The following PARD3B variants were observed in gnomAD, a reference collection of about 807,000 sequenced individuals.
PARD3B encodes the protein par-3 family cell polarity regulator beta, also known as partitioning defective 3 homolog B.
Under a neutral mutation model 130.2 loss-of-function variants are expected in PARD3B, and 103 were observed. The observed-to-expected ratio is 0.79, with a 90% CI of 0.67 to 0.93. PARD3B has a LOEUF of 0.93. PARD3B is among the 40% of genes least tolerant of loss of function. The pLI, the probability that PARD3B is intolerant of heterozygous loss-of-function variation, is 0.00. For missense variants in PARD3B, 1,609 were observed against 1,499.2 expected, an observed-to-expected ratio of 1.07 and a Z score of -1.21; for synonymous variants, 583 against 553.2, an observed-to-expected ratio of 1.05 and a Z score of -0.76.
chr2:205,000,284 T>C (rs1326491710), intron 3 of PARD3B, among the ~76,000 whole-genome samples: 1 of 152,224 alleles, frequency 6.6e-6, no homozygotes, highest in Non-Finnish European at 1.5e-5. Context: ...ATGTTTTCAG[T>C]GTGGCCACGG....
intron 2 of PARD3B, among the ~76,000 whole-genome samples, chr2:204,734,854 A>G (rs1260447833): frequency 1.3e-5 from 2 of 152,040 alleles, no homozygotes; most frequent in South Asian, 2.1e-4. Flanking sequence ...TCAAAACTCA[A>G]ACTTTACCAC....
At chr2:205,457,933 C>T (rs1324007893) in intron 20 of PARD3B, among the ~76,000 whole-genome samples, 1 of 152,120 alleles carries the variant, frequency 6.6e-6, no homozygotes, top group Non-Finnish European at 1.5e-5. Context: ...ATTTGGAATG[C>T]TCAAACAATA....
intron 2 of PARD3B, among the ~76,000 whole-genome samples, chr2:204,717,966 A>C (rs1380860211): frequency 6.6e-6 from 1 of 152,164 alleles, no homozygotes; most frequent in African/African-American, 2.4e-5. Flanking sequence ...CCAAATTTAC[A>C]TATATTACAT....
intron 1 of PARD3B, among the ~76,000 whole-genome samples, chr2:204,674,091 T>C (rs1376046360): frequency 1.3e-5 from 2 of 152,188 alleles, no homozygotes; most frequent in Non-Finnish European, 2.9e-5. Flanking sequence ...AAATGCATAA[T>C]GAATGTCAGA....
intron 21 of PARD3B, among the ~76,000 whole-genome samples, chr2:205,526,063 T>G (rs115518961): frequency 6.6e-4 from 101 of 152,344 alleles, no homozygotes; most frequent in African/African-American, 2.4e-3. Flanking sequence ...GATTATAGTT[T>G]CTACTGGAAT....
chr2:205,446,835 C>T lies in PARD3B; in HGVS notation c.3044+6163C>T, dbSNP rs1449447709. Among the ~76,000 whole-genome samples the T allele has an allele frequency of 6.6e-6, 1 of 152,152 alleles. No individual in the cohort carries two copies. The highest frequency in any genetic ancestry group is 1.5e-5 in the Non-Finnish European group (1 of 68,014). On this transcript the variant is annotated intron_variant, in intron 20 of 22. Transcript: ENST00000406610. The surrounding 1 kb of genome is among the most constrained non-coding windows in gnomAD (Gnocchi z 4.4). ...AATGTGTTAGTTTTCCACCGCAATGCCAGCATTGAAAGGGCTCCCAGAGTG... is the reference window on the plus strand; with the variant it reads ...AATGTGTTAGTTTTCCACCGCAATGTCAGCATTGAAAGGGCTCCCAGAGTG...
At chr2:205,308,621 C>CAAAAAAAAAA (rs1252730210) in intron 18 of PARD3B, among the ~76,000 whole-genome samples, 1 of 93,072 alleles carries the variant, frequency 1.1e-5, no homozygotes, top group Admixed American at 1.3e-4. Context: ...AAAAAAAAAC[C>CAAAAAAAAAA]AAACAACAAA....
rs987873310 is a variant in PARD3B, at chr2:205,477,845, G to A, written c.3045-22051G>A. ...TCATGTGCTTGGATAAAGCTTTTTG[G>A]TTTCTTTAGTGAAGTTTCTGAATTT... is the stretch of plus-strand genomic sequence containing the variant. On this transcript the variant is annotated intron_variant, in intron 20 of 22. Coordinates refer to ENST00000406610, the MANE Select transcript of PARD3B (RefSeq NM_001302769.2). Among the ~76,000 whole-genome samples, 5 of 152,158 alleles carry A rather than the reference G, an allele frequency of 3.3e-5. No individual in the cohort carries two copies. In the East Asian group the frequency reaches 9.6e-4, roughly 29 times the overall value.
intron 2 of PARD3B, among the ~76,000 whole-genome samples, chr2:204,951,213 G>A (rs887528472): frequency 1.3e-5 from 2 of 152,146 alleles, no homozygotes; most frequent in African/African-American, 2.4e-5. Context: ...AACATTTTTA[G>A]AACAAGGTCT....
At chr2:205,199,393 T>C (rs1307470231) in intron 15 of PARD3B, among the ~76,000 whole-genome samples, 1 of 152,090 alleles carries the variant, frequency 6.6e-6, no homozygotes, top group Non-Finnish European at 1.5e-5. Flanking sequence ...ACCTCGGCTA[T>C]GTAGAAAAGA....
Position 205,470,511 on chromosome 2 carries a change from C to T in PARD3B, c.3045-29385C>T, listed in dbSNP as rs572819565. Among the ~76,000 whole-genome samples, 1 of 152,252 alleles carries T rather than the reference C, an allele frequency of 6.6e-6. No homozygotes were observed. The highest frequency in any genetic ancestry group is 6.5e-5 in the Admixed American group (1 of 15,284). ...AGGAGTTAGAGCATTTCTCCTGAAT[C>T]TCCCTAAACTCGCATCAGATCTCTT... On this transcript the variant is annotated intron_variant, in intron 20 of 22. Transcript: ENST00000406610. This position sits in a 1 kb window ranked among gnomAD's most constrained non-coding sequence, Gnocchi z 4.8.
chr2:205,156,543 T>TTA (rs1553626967), intron 10 of PARD3B, among the ~76,000 whole-genome samples: 1 of 147,650 alleles, frequency 6.8e-6, no homozygotes, highest in South Asian at 2.1e-4. Flanking sequence ...GAGGAAAAGA[T>TTA]AAAAAAAAAA....
At chr2:204,609,518 T>C (rs75868138) in intron 1 of PARD3B, among the ~76,000 whole-genome samples, 4,582 of 152,264 alleles carry the variant, frequency 0.03, 91 homozygotes, top group Non-Finnish European at 0.044. Context: ...TGGTTTAGCC[T>C]AAAGAACTGG....
chr2:205,250,353 C>T (rs1016531889), intron 16 of PARD3B, among the ~76,000 whole-genome samples: 5 of 151,984 alleles, frequency 3.3e-5, no homozygotes, highest in Admixed American at 3.3e-4. Flanking sequence ...ATGAGTTCTT[C>T]TTTATGAGCT....
chr2:204,861,924 CAAAAAAAAAAAA>C (rs60473341), intron 2 of PARD3B, among the ~76,000 whole-genome samples: 19 of 34,078 alleles, frequency 5.6e-4, no homozygotes, highest in African/African-American at 1.1e-3. Flanking sequence ...AGACATTTCT[CAAAAAAAAAAAA>C]AAAAAAAAAA....
rs1390209826 is a variant in PARD3B, at chr2:205,229,153, G to T, written c.2141-16625G>T. ...TGGTGAAGTCATGTTTTCCTGGATG[G>T]TCTTGAGGCTTGTGATTGTTTATCA... On this transcript the variant is annotated intron_variant, in intron 15 of 22. Coordinates refer to ENST00000406610, the MANE Select transcript of PARD3B (RefSeq NM_001302769.2). The surrounding 1 kb of genome is among the most constrained non-coding windows in gnomAD (Gnocchi z 5.2). 6.6e-6 allele frequency among the ~76,000 whole-genome samples: 1 copy of T among 152,200 alleles called. No individual in the cohort carries two copies. The highest frequency in any genetic ancestry group is 1.5e-5 in the Non-Finnish European group (1 of 68,036).
intron 3 of PARD3B, among the ~76,000 whole-genome samples, chr2:204,998,052 G>A (rs1694384091): frequency 6.7e-6 from 1 of 149,352 alleles, no homozygotes; most frequent in African/African-American, 2.4e-5. Context: ...TGAATAAGAT[G>A]ACTTGTTGCC....
intron 22 of PARD3B, among the ~76,000 whole-genome samples, chr2:205,597,037 CTTTTT>C: frequency 6.8e-6 from 1 of 147,516 alleles, no homozygotes; most frequent in Middle Eastern, 3.6e-3. Context: ...GTGCTCATTT[CTTTTT>C]TTTTTTAATT....
chr2:204,597,570 A>C (rs2033350533), intron 1 of PARD3B, among the ~76,000 whole-genome samples: 1 of 152,180 alleles, frequency 6.6e-6, no homozygotes, highest in Non-Finnish European at 1.5e-5. Context: ...AACATCTCAG[A>C]AGGGCTGGGG....
Sources: allele counts gnomAD v4.1 joint callset (sites outside exome capture counted in the v4.1 genomes callset), GRCh38; gene constraint gnomAD v4.1.1; non-coding constraint Gnocchi (gnomAD v3.1); transcripts MANE v1.5; gene names NCBI Gene and HGNC (gene_info 2026-07-23, HGNC 2026-07-21).